BRINP1: variants seen among roughly 807,000 people sequenced by gnomAD.
The protein encoded by BRINP1 is BMP/retinoic acid-inducible neural-specific protein 1.
BRINP1 carries 17 observed loss-of-function variants against 72.9 expected under a neutral mutation model. The ratio of observed to expected loss-of-function variants is 0.23; its 90% CI spans 0.16 to 0.35. The LOEUF is 0.35. BRINP1 is among the 10% of genes least tolerant of loss of function. BRINP1 has a pLI of 1.00. For synonymous variants in BRINP1, 418 were observed against 378.5 expected, an observed-to-expected ratio of 1.10 and a Z score of -1.21; for missense variants, 850 against 1,001.6, an observed-to-expected ratio of 0.85 and a Z score of 2.04.
chr9:119,315,406 T>C (rs1831114990), intron 1 of BRINP1, among the ~76,000 whole-genome samples: 1 of 152,118 alleles, frequency 6.6e-6, no homozygotes, highest in Admixed American at 6.6e-5. Flanking sequence ...ATTATTTGGG[T>C]GCACCATGAA....
chr9:119,352,734 T>C (rs1831518510), intron 1 of BRINP1, among the ~76,000 whole-genome samples: 1 of 152,220 alleles, frequency 6.6e-6, no homozygotes, highest in Non-Finnish European at 1.5e-5. Context: ...TCCATAAATA[T>C]TATACTCTAT....
At chr9:119,169,983 A>C (rs988976068) in intron 7 of BRINP1, among the ~76,000 whole-genome samples, 1 of 152,220 alleles carries the variant, frequency 6.6e-6, no homozygotes, top group Admixed American at 6.5e-5. Context: ...CCACCTGTAC[A>C]TCACCATCAT....
chr9:119,345,863 A>G (rs1240720865), intron 1 of BRINP1, among the ~76,000 whole-genome samples: 1 of 152,094 alleles, frequency 6.6e-6, no homozygotes, highest in Non-Finnish European at 1.5e-5. Context: ...CAACTCTATG[A>G]GGTGGTTTTT....
intron 2 of BRINP1, among the ~76,000 whole-genome samples, chr9:119,303,372 A>C (rs1377892411): frequency 6.7e-6 from 1 of 149,850 alleles, no homozygotes; most frequent in Non-Finnish European, 1.5e-5. Flanking sequence ...TTGGGTGAGA[A>C]GCAATCCCTG....
intron 2 of BRINP1, among the ~76,000 whole-genome samples, chr9:119,272,216 G>A (rs1183667990): frequency 1.3e-5 from 2 of 151,660 alleles, no homozygotes; most frequent in East Asian, 3.9e-4. Flanking sequence ...GAGCTAGGAT[G>A]TAGTAGCAGG....
At position 119,213,988 on chromosome 9, in the gene BRINP1, T is replaced by C. The variant is rs779644763; in HGVS notation, c.853A>G (p.Ile285Val). ...QCNCPITDIQ[I>V]MEYTLANMAK... ...ATGTTGGCCAGCGTGTACTCCATGA[T>C]CTGGATGTCCGTGATGGGGCAGTTG... Residue 285 changes from isoleucine (I) to valine (V), a missense_variant, in exon 6 of 8, where the codon ATC becomes GTC. Transcript: ENST00000265922. 1.9e-6 allele frequency: 3 copies of C among 1,614,132 alleles called. No homozygotes were observed. In the African/African-American group the frequency reaches 4.0e-5, roughly 22 times the overall value.
intron 1 of BRINP1, among the ~76,000 whole-genome samples, chr9:119,362,047 AC>A (rs1401829400): frequency 5.7e-5 from 5 of 87,248 alleles, no homozygotes; most frequent in Admixed American, 1.3e-4. Context: ...ATGATCCACC[AC>A]CCCCCCACCC....
intron 7 of BRINP1, among the ~76,000 whole-genome samples, chr9:119,169,801 C>A (rs1167951017): frequency 2.6e-5 from 4 of 152,218 alleles, no homozygotes; most frequent in Admixed American, 2.6e-4. Flanking sequence ...GGCAGACTGC[C>A]TCCTCAAGTG....
intron 7 of BRINP1, among the ~76,000 whole-genome samples, chr9:119,173,638 CTACTT>C (rs939731750): frequency 6.7e-6 from 1 of 149,696 alleles, no homozygotes; most frequent in Non-Finnish European, 1.5e-5. Flanking sequence ...TTGGAAAAAA[CTACTT>C]TAAAGTTCAT....
At chr9:119,299,322 A>G (rs1830915211) in intron 2 of BRINP1, among the ~76,000 whole-genome samples, 1 of 152,148 alleles carries the variant, frequency 6.6e-6, no homozygotes, top group Non-Finnish European at 1.5e-5. Flanking sequence ...CATATAAGTG[A>G]GTACAAGTGG....
chr9:119,340,742 GTAAACTTGTGATTCATGTTCATTCCTCC>G (rs2119023101), intron 1 of BRINP1, among the ~76,000 whole-genome samples: 1 of 152,282 alleles, frequency 6.6e-6, no homozygotes, highest in East Asian at 1.9e-4. Context: ...GATGGGGAGA[GTAAACTTGTGATTCATGTTCATTCCTCC>G]TAAAGAACTG....
intron 7 of BRINP1, among the ~76,000 whole-genome samples, chr9:119,208,416 A>G (rs1829881993): frequency 1.3e-5 from 2 of 152,186 alleles, no homozygotes; most frequent in Admixed American, 6.5e-5. Context: ...TATATTTTTA[A>G]CAGCCAGGAT....
At chr9:119,287,742 A>C (rs910770423) in intron 2 of BRINP1, among the ~76,000 whole-genome samples, 2 of 152,260 alleles carry the variant, frequency 1.3e-5, no homozygotes, top group East Asian at 1.9e-4. Flanking sequence ...GTTTATCTGC[A>C]CAAATGATGG....
At chr9:119,293,804 T>C (rs1830845783) in intron 2 of BRINP1, among the ~76,000 whole-genome samples, 1 of 152,110 alleles carries the variant, frequency 6.6e-6, no homozygotes, top group Admixed American at 6.5e-5. Flanking sequence ...CTATGGAGTA[T>C]TGTAAATGGA....
chr9:119,310,555 G>A (rs1831051266), intron 2 of BRINP1, among the ~76,000 whole-genome samples: 2 of 152,170 alleles, frequency 1.3e-5, no homozygotes, highest in Admixed American at 1.3e-4. Flanking sequence ...TAAATAAGGA[G>A]AGAAAGCTTC....
chr9:119,204,238 G>A (rs1469392367), intron 7 of BRINP1, among the ~76,000 whole-genome samples: 1 of 152,130 alleles, frequency 6.6e-6, no homozygotes, highest in African/African-American at 2.4e-5. Flanking sequence ...GATATCCTCA[G>A]CTGTACCAAG....
chr9:119,325,523 G>C (rs1831230586), intron 1 of BRINP1, among the ~76,000 whole-genome samples: 1 of 152,068 alleles, frequency 6.6e-6, no homozygotes, highest in Admixed American at 6.6e-5. Flanking sequence ...CTAAACCTCA[G>C]AGCAATCTTA....
chr9:119,221,195 G>A (rs1201871129), intron 5 of BRINP1, among the ~76,000 whole-genome samples: 1 of 152,102 alleles, frequency 6.6e-6, no homozygotes, highest in Non-Finnish European at 1.5e-5. Context: ...AGGAGCCCCA[G>A]CTGTTGTCTT....
At chr9:119,181,842 C>CTTGAG (rs1829561654) in intron 7 of BRINP1, among the ~76,000 whole-genome samples, 1 of 152,116 alleles carries the variant, frequency 6.6e-6, no homozygotes. Flanking sequence ...ATTATTTAAC[C>CTTGAG]TTGAGTTAAT....
Sources: allele counts gnomAD v4.1 joint callset (sites outside exome capture counted in the v4.1 genomes callset), GRCh38; gene constraint gnomAD v4.1.1; transcripts MANE v1.5; gene names NCBI Gene and HGNC (gene_info 2026-07-23, HGNC 2026-07-21).